The following VPS13A variants were observed in gnomAD, a reference collection of about 807,000 sequenced individuals.
VPS13A encodes intermembrane lipid transfer protein VPS13A.
Under a neutral mutation model 390.9 loss-of-function variants are expected in VPS13A, and 264 were observed. The ratio of observed to expected loss-of-function variants is 0.68; its 90% confidence interval spans 0.61 to 0.75. The LOEUF (loss-of-function observed/expected upper bound fraction) is 0.75. VPS13A is among the 30% of genes least tolerant of loss of function. The probability of loss-of-function intolerance (pLI) is 0.00; values close to 1 mark genes in which losing one functional copy is unlikely to be tolerated. For synonymous variants in VPS13A, 1,231 were observed against 1,227.1 expected, an observed-to-expected ratio of 1.00 and a Z score of -0.07; for missense variants, 3,409 against 3,733.9, an observed-to-expected ratio of 0.91 and a Z score of 2.27.
intron 3 of VPS13A, among the ~76,000 whole-genome samples, chr9:77,201,793 C>G (rs72742563): frequency 0.054 from 8,280 of 152,050 alleles, 335 homozygotes; most frequent in South Asian, 0.12. Flanking sequence ...GACTAGGGGC[C>G]GATTTGAAAA....
intron 68 of VPS13A, 171 bp downstream of exon 68, chr9:77,382,258 A>C: frequency 1.4e-6 from 2 of 1,473,190 alleles, no homozygotes; most frequent in Non-Finnish European, 1.8e-6. Context: ...TTACTATAAG[A>C]TTTTTTTTTC....
chr9:77,415,147 C>G (rs1835122478), intron 71 of VPS13A, among the ~76,000 whole-genome samples: 1 of 152,222 alleles, frequency 6.6e-6, no homozygotes, highest in Admixed American at 6.5e-5. Context: ...AGGCCACCTT[C>G]TTTCATGTCA....
chr9:77,410,942 T>C (rs1333675483), intron 71 of VPS13A, among the ~76,000 whole-genome samples: 2 of 152,192 alleles, frequency 1.3e-5, no homozygotes, highest in Non-Finnish European at 2.9e-5. Flanking sequence ...GCAGACCTAA[T>C]AGACATCTAC....
At chr9:77,415,851 A>C in intron 71 of VPS13A, 105 bp from the exon 72 acceptor site, 2 of 1,342,358 alleles carry the variant, frequency 1.5e-6, no homozygotes, top group South Asian at 2.4e-5. Flanking sequence ...TCAGTATTAC[A>C]CCTAACTAAA....
At position 77,252,225 on chromosome 9, in the gene VPS13A, C is replaced by A; in HGVS notation, c.2171-10C>A. 1 of 1,588,956 alleles carries A rather than the reference C, an allele frequency of 6.3e-7. No homozygotes were observed. The highest frequency in any genetic ancestry group is 1.1e-5 in the South Asian group (1 of 90,576). On this transcript the variant is annotated splice_polypyrimidine_tract_variant and intron_variant, in intron 21 of 71. Coordinates refer to ENST00000360280, the MANE Select transcript of VPS13A (RefSeq NM_033305.3). ...AGTTACGTTAAATATGAACTATTTTCTGTACTTAGGTGATAATTGGAGAGA... is the reference window on the plus strand; with the variant it reads ...AGTTACGTTAAATATGAACTATTTTATGTACTTAGGTGATAATTGGAGAGA...
intron 56 of VPS13A, 112 bp downstream of exon 56, chr9:77,357,950 G>T: frequency 1.1e-5 from 7 of 633,716 alleles, no homozygotes; most frequent in South Asian, 3.0e-5. Flanking sequence ...TGTTGTGCTA[G>T]CCTTTTTTTT....
intron 37 of VPS13A, 152 bp from the exon 38 acceptor site, chr9:77,315,101 T>C (rs1829310638): frequency 4.4e-6 from 3 of 675,702 alleles, no homozygotes; most frequent in Non-Finnish European, 7.5e-6. Context: ...AAGTTTGTTA[T>C]TTGGAACACT....
chr9:77,279,585 T>C (rs1250419872), intron 26 of VPS13A, among the ~76,000 whole-genome samples: 1 of 152,118 alleles, frequency 6.6e-6, no homozygotes, highest in Admixed American at 6.5e-5. Context: ...CTCCAGTTTT[T>C]AGGCTTGAGG....
intron 33 of VPS13A, among the ~76,000 whole-genome samples, chr9:77,298,343 G>T (rs1828131801): frequency 6.6e-6 from 1 of 152,164 alleles, no homozygotes; most frequent in Admixed American, 6.6e-5. Context: ...CACAAAGAAA[G>T]CTTGTAGAGT....
intron 68 of VPS13A, among the ~76,000 whole-genome samples, chr9:77,391,784 A>G (rs1005690376): frequency 2.0e-5 from 3 of 152,224 alleles, no homozygotes; most frequent in Non-Finnish European, 2.9e-5. Flanking sequence ...AATAAAATAT[A>G]TGGATAGATA....
chr9:77,258,764 T>G (rs1407173771), intron 22 of VPS13A, among the ~76,000 whole-genome samples: 2 of 152,166 alleles, frequency 1.3e-5, no homozygotes, highest in African/African-American at 4.8e-5. Context: ...GTGATAAAGA[T>G]TAAAGATCTG....
intron 33 of VPS13A, among the ~76,000 whole-genome samples, chr9:77,302,352 A>T (rs542818697): frequency 6.6e-6 from 1 of 150,948 alleles, no homozygotes; most frequent in South Asian, 2.1e-4. Flanking sequence ...TGTATCGAAA[A>T]ATACATATTT....
chr9:77,199,833 A>T (rs1825219528), intron 1 of VPS13A, 112 bp from the exon 2 acceptor site: 1 of 808,066 alleles, frequency 1.2e-6, no homozygotes, highest in Admixed American at 2.7e-5. Context: ...ATTATCTGTT[A>T]TGCACATTAT....
At chr9:77,213,595 C>T (rs950979281) in intron 9 of VPS13A, among the ~76,000 whole-genome samples, 1 of 151,510 alleles carries the variant, frequency 6.6e-6, no homozygotes. Flanking sequence ...CTCTTGGGCT[C>T]AAGCAATCAT....
rs61370510 is a variant in VPS13A, at chr9:77,363,404, A to AT, written c.8212-2041dup. 1.7e-3 allele frequency among the ~76,000 whole-genome samples: 133 copies of AT among 78,350 alleles called. 1 individual carries two copies. Among genetic ancestry groups the AT allele is most frequent in the East Asian group, 0.016 (36 of 2,288 alleles). 51.4% of individuals were successfully genotyped at this position (78,350 alleles called of 152,430 possible). On this transcript the variant is annotated intron_variant, in intron 59 of 71. Transcript: ENST00000360280. ...TTATTACATTAATTTTTTTTTTTTT[A>AT]TTTTTTTTTTTTTTTGAGACCTAGG...
rs1564630578 is a variant in VPS13A at position 77,207,254 on chromosome 9, A to ATATATATATATAT, written c.385+1175_385+1176insTATATATATATAT. Among the ~76,000 whole-genome samples, 142 of 53,426 alleles carry ATATATATATATAT rather than the reference A, an allele frequency of 2.7e-3. 8 individuals carry two copies. Among genetic ancestry groups the ATATATATATATAT allele is most frequent in the East Asian group, 0.012 (13 of 1,116 alleles). 35.0% of individuals were successfully genotyped at this position (53,426 alleles called of 152,430 possible). A position where few individuals can be genotyped will look rare whatever the true frequency, so the allele number is the denominator to read the frequency against. On this transcript the variant is annotated intron_variant, in intron 5 of 71. Coordinates refer to ENST00000360280, the MANE Select transcript of VPS13A (RefSeq NM_033305.3). ...ATATATATATATATATATATATATA[A>ATATATATATATAT]AACGTGTTATATGTAACATAACATG...
intron 68 of VPS13A, among the ~76,000 whole-genome samples, chr9:77,402,455 T>A (rs1834433355): frequency 6.6e-6 from 1 of 152,192 alleles, no homozygotes; most frequent in African/African-American, 2.4e-5. Context: ...ATAACATGCC[T>A]CTTCTTGAGG....
intron 10 of VPS13A, among the ~76,000 whole-genome samples, chr9:77,219,497 T>G (rs1823061189): frequency 6.6e-6 from 1 of 152,112 alleles, no homozygotes; most frequent in African/African-American, 2.4e-5. Context: ...ACTCTTCATC[T>G]CTCTCCTTTT....
intron 71 of VPS13A, among the ~76,000 whole-genome samples, chr9:77,409,369 G>A (rs1273598022): frequency 6.6e-6 from 1 of 152,138 alleles, no homozygotes; most frequent in African/African-American, 2.4e-5. Flanking sequence ...CAGAAAATCT[G>A]GAAACTCTAA....
Sources: gnomAD v4.1 joint callset for allele counts (sites outside exome capture counted in the v4.1 genomes callset) on GRCh38, gnomAD v4.1.1 for gene constraint, MANE v1.5 for transcripts, NCBI Gene and HGNC (gene_info 2026-07-23, HGNC 2026-07-21) for gene names.